TEAD1: variants seen among roughly 807,000 people sequenced by gnomAD.
TEAD1 encodes TEA domain transcription factor 1.
A neutral mutation model predicts 54.9 loss-of-function variants in TEAD1; 9 were observed. That is an observed-to-expected ratio of 0.16 (90% CI 0.10 to 0.29). TEAD1 has a LOEUF of 0.29. Among genes scored for constraint, TEAD1 ranks in the 10% least tolerant of loss-of-function variants. The probability of loss-of-function intolerance (pLI) is 1.00; values close to 1 mark genes in which losing one functional copy is unlikely to be tolerated. For missense variants in TEAD1, 387 were observed against 535.9 expected, an observed-to-expected ratio of 0.72 and a Z score of 2.74; for synonymous variants, 200 against 187.8, an observed-to-expected ratio of 1.07 and a Z score of -0.53.
At chr11:12,918,161 A>G (rs1393946145) in intron 10 of TEAD1, among the ~76,000 whole-genome samples, 1 of 152,098 alleles carries the variant, frequency 6.6e-6, no homozygotes, top group Non-Finnish European at 1.5e-5. Context: ...ACGTGTCAGT[A>G]GGGTAGATAA....
At chr11:12,713,844 C>T (rs577784809) in intron 2 of TEAD1, among the ~76,000 whole-genome samples, 32 of 152,166 alleles carry the variant, frequency 2.1e-4, no homozygotes, top group Admixed American at 2.0e-3. Flanking sequence ...TGCAGCAGCT[C>T]CCGGCATCAC....
chr11:12,907,055 T>C (rs1175209812), intron 10 of TEAD1, among the ~76,000 whole-genome samples: 4 of 152,158 alleles, frequency 2.6e-5, no homozygotes, highest in East Asian at 1.9e-4. Flanking sequence ...ACTCTATGTT[T>C]AACATTTTAA....
chr11:12,707,168 T>G (rs1943835281), intron 2 of TEAD1, among the ~76,000 whole-genome samples: 1 of 149,812 alleles, frequency 6.7e-6, no homozygotes, highest in Non-Finnish European at 1.5e-5. Flanking sequence ...AAGACTTGTT[T>G]ACTTGTGGTG....
intron 3 of TEAD1, among the ~76,000 whole-genome samples, chr11:12,859,082 C>T (rs576895602): frequency 6.6e-6 from 1 of 152,164 alleles, no homozygotes. Context: ...ACCAAAATGT[C>T]ATCATGTGGT....
intron 3 of TEAD1, among the ~76,000 whole-genome samples, chr11:12,790,855 A>G (rs138536261): frequency 1.3e-5 from 2 of 152,356 alleles, no homozygotes; most frequent in African/African-American, 2.4e-5. Flanking sequence ...CAGAAAGACA[A>G]TAACAAGTGT....
chr11:12,797,743 C>CA (rs1945964525), intron 3 of TEAD1, among the ~76,000 whole-genome samples: 2 of 152,274 alleles, frequency 1.3e-5, no homozygotes, highest in African/African-American at 4.8e-5. Flanking sequence ...ATCACCAAAA[C>CA]ATCCCATACA....
chr11:12,738,389 G>A (rs1263900639), intron 2 of TEAD1, among the ~76,000 whole-genome samples: 1 of 152,168 alleles, frequency 6.6e-6, no homozygotes, highest in Non-Finnish European at 1.5e-5. Flanking sequence ...AAGAATAGGT[G>A]TCTGACAAAT....
intron 3 of TEAD1, among the ~76,000 whole-genome samples, chr11:12,820,466 A>G (rs929128302): frequency 2.0e-5 from 3 of 151,986 alleles, no homozygotes; most frequent in African/African-American, 7.2e-5. Flanking sequence ...CACCCAAACC[A>G]TGATCTCAGA....
Position 12,941,403 on chromosome 11 carries a change from C to T in TEAD1, c.*4181C>T, listed in dbSNP as rs973945872. ...CAAAAAACAGCCCCCATTCCAAGTA[C>T]TTGGTGTCAAAAGTCCCCGAACGAC... On this transcript the variant is annotated 3_prime_UTR_variant, in exon 13 of 13. Coordinates refer to ENST00000527636, the MANE Select transcript of TEAD1 (RefSeq NM_021961.6). The T allele has an allele frequency of 6.6e-6, 1 of 152,228 alleles. No homozygotes were observed. Among genetic ancestry groups the T allele is most frequent in the Non-Finnish European group, 1.5e-5 (1 of 68,036 alleles). 9.4% of individuals were successfully genotyped at this position (152,228 alleles called of 1,614,324 possible).
rs1336185504 is a variant in TEAD1 at position 12,943,206 on chromosome 11, C to G, written c.*5984C>G. The G allele has an allele frequency of 6.6e-6, 1 of 152,274 alleles. No individual in the cohort carries two copies. The highest frequency in any genetic ancestry group is 1.5e-5 in the Non-Finnish European group (1 of 68,024). The allele number at this position is 152,274 out of a possible 1,614,324, so 9.4% of individuals were successfully genotyped here. A position where few individuals can be genotyped will look rare whatever the true frequency, so the allele number is the denominator to read the frequency against. ...ATTTGTGCAAACAAACAAAAACTAT[C>G]AAATGAAAAGAAAATGTACTCAACC... On this transcript the variant is annotated 3_prime_UTR_variant, in exon 13 of 13. Transcript: ENST00000527636.
chr11:12,752,182 A>C (rs1351170833), intron 2 of TEAD1, among the ~76,000 whole-genome samples: 1 of 150,280 alleles, frequency 6.7e-6, no homozygotes, highest in Non-Finnish European at 1.5e-5. Flanking sequence ...CTCTAAGGTA[A>C]CTGGAATCAG....
intron 5 of TEAD1, among the ~76,000 whole-genome samples, chr11:12,877,591 G>A (rs1408535278): frequency 1.3e-5 from 2 of 151,972 alleles, no homozygotes; most frequent in Non-Finnish European, 2.9e-5. Flanking sequence ...CCTGGGAAGC[G>A]GAGGTTGCAA....
At chr11:12,931,084 A>G (rs911478694) in intron 12 of TEAD1, among the ~76,000 whole-genome samples, 3 of 152,164 alleles carry the variant, frequency 2.0e-5, no homozygotes, top group Non-Finnish European at 4.4e-5. Context: ...TGGGTGACAT[A>G]GTGACACCCT....
chr11:12,701,903 T>G (rs1317321462), intron 2 of TEAD1, among the ~76,000 whole-genome samples: 1 of 152,230 alleles, frequency 6.6e-6, no homozygotes, highest in Non-Finnish European at 1.5e-5. Flanking sequence ...TAAGAAATTC[T>G]ATCCAAAGAG....
intron 3 of TEAD1, among the ~76,000 whole-genome samples, chr11:12,778,851 G>A (rs571747191): frequency 3.9e-5 from 6 of 152,112 alleles, no homozygotes; most frequent in Non-Finnish European, 7.4e-5. Flanking sequence ...TTTTCTGTTA[G>A]ATTGTTTTAT....
chr11:12,735,420 G>C (rs1490722899), intron 2 of TEAD1, among the ~76,000 whole-genome samples: 1 of 152,104 alleles, frequency 6.6e-6, no homozygotes, highest in Non-Finnish European at 1.5e-5. Flanking sequence ...TGTCATCCCT[G>C]GTCCCTGTCC....
intron 3 of TEAD1, among the ~76,000 whole-genome samples, chr11:12,853,133 G>A (rs762371962): frequency 6.6e-6 from 1 of 152,180 alleles, no homozygotes; most frequent in Admixed American, 6.5e-5. Context: ...CACGTTTCAG[G>A]TGAGGTTTCT....
At chr11:12,722,643 C>T (rs905201663) in intron 2 of TEAD1, among the ~76,000 whole-genome samples, 11 of 143,070 alleles carry the variant, frequency 7.7e-5, no homozygotes, top group Non-Finnish European at 1.6e-4. Flanking sequence ...TGATTTCTCT[C>T]TCTTTCTTTT....
intron 3 of TEAD1, among the ~76,000 whole-genome samples, chr11:12,814,082 C>T (rs1348197575): frequency 6.6e-6 from 1 of 152,322 alleles, no homozygotes; most frequent in Non-Finnish European, 1.5e-5. Flanking sequence ...TTCCCCTTCA[C>T]CTCCTGCTTG....
Sources: gnomAD v4.1 joint callset for allele counts (sites outside exome capture counted in the v4.1 genomes callset) on GRCh38, gnomAD v4.1.1 for gene constraint, MANE v1.5 for transcripts, NCBI Gene and HGNC (gene_info 2026-07-23, HGNC 2026-07-21) for gene names.